The following AGMAT variants were observed in gnomAD, a reference collection of about 807,000 sequenced individuals.
AGMAT encodes the protein agmatinase (putative), also known as guanidino acid hydrolase, mitochondrial.
In AGMAT, 37 loss-of-function variants were observed where a neutral mutation model predicts 29.3. The observed-to-expected ratio is 1.26, with a 90% confidence interval of 0.97 to 1.66. The LOEUF (loss-of-function observed/expected upper bound fraction) is 1.66, where lower values mean the gene tolerates loss of function less well. Among genes scored for constraint, AGMAT ranks in the 40% most tolerant of loss-of-function variants. The probability of loss-of-function intolerance (pLI) is 0.00; values close to 1 mark genes in which losing one functional copy is unlikely to be tolerated. For missense variants in AGMAT, 498 were observed against 497.8 expected (o/e 1.00, Z 0.00); for synonymous variants, 199 against 200.8 (o/e 0.99, Z 0.08).
chr1:15,575,226 C>T (rs1639021653), intron 5 of AGMAT: 1 of 167,054 alleles, frequency 6.0e-6, no homozygotes, highest in Admixed American at 5.8e-5. Flanking sequence ...CAGGCAAAGG[C>T]ACCAAGATGG....
At chr1:15,581,526 A>G (rs530334337) in intron 2 of AGMAT, among the ~76,000 whole-genome samples, 77 of 151,546 alleles carry the variant, frequency 5.1e-4, no homozygotes, top group African/African-American at 1.8e-3. Flanking sequence ...TGTGACACAC[A>G]TGTGACATAC....
intron 2 of AGMAT, among the ~76,000 whole-genome samples, chr1:15,582,279 A>C (rs1253191674): frequency 6.6e-6 from 1 of 152,144 alleles, no homozygotes; most frequent in African/African-American, 2.4e-5. Flanking sequence ...AAAAAAAGAA[A>C]AAAAAAAAAG....
At chr1:15,577,584 C>G in intron 5 of AGMAT, 101 bp downstream of exon 5, 1 of 1,316,702 alleles carries the variant, frequency 7.6e-7, no homozygotes, top group Non-Finnish European at 1.0e-6. Context: ...AACAAACAAA[C>G]AAAAATCCTA....
Position 15,584,953 on chromosome 1 carries a change from C to A in AGMAT, c.15G>T (p.Leu5=). ...CCGGGCCCCGGGCGCACCCGGACGC[C>A]AGCAGCCTCAGCATTGCCGCGCGCG... The part of the protein sequence containing the change: MLRL[L]ASGCARGPGP... The change falls in exon 1 of 7, where the codon CTG becomes CTT. Residue 5 remains leucine, a synonymous_variant. Transcript: ENST00000375826. 1 of 1,349,412 alleles carries A rather than the reference C, an allele frequency of 7.4e-7. No individual in the cohort carries two copies. 83.6% of individuals were successfully genotyped at this position (1,349,412 alleles called of 1,614,324 possible).
At chr1:15,581,543 C>T (rs1170561618) in intron 2 of AGMAT, among the ~76,000 whole-genome samples, 1 of 83,240 alleles carries the variant, frequency 1.2e-5, no homozygotes, top group East Asian at 3.4e-4. Flanking sequence ...ATACATGTAG[C>T]TAATATGACT....
rs772811886 is a variant in AGMAT, at chr1:15,578,971, G to A, written c.608C>T (p.Ala203Val). The change falls in exon 4 of 7, where the codon GCG becomes GTG. Residue 203 changes from alanine (A) to valine (V), a missense_variant. Ala to Val is a moderately conservative substitution (Grantham distance 64). Coordinates refer to ENST00000375826, the MANE Select transcript of AGMAT (RefSeq NM_024758.5). The part of the protein sequence containing the change: ...KALGEKLYHG[A>V]PFRRCVDEGL... ...CTCATCCACACACCGGCGGAAGGGC[G>A]CCCCGTGGTAGAGCTTCTCTCCTAG... The A allele has an allele frequency of 1.2e-5, 19 of 1,614,012 alleles. No homozygotes were observed. Among genetic ancestry groups the A allele is most frequent in the Non-Finnish European group, 1.4e-5 (16 of 1,180,028 alleles).
chr1:15,576,842 C>T (rs1342127334), intron 5 of AGMAT, among the ~76,000 whole-genome samples: 2 of 140,306 alleles, frequency 1.4e-5, no homozygotes, highest in Non-Finnish European at 3.0e-5. Flanking sequence ...CTCTGCCTCC[C>T]GGGTTCATGC....
chr1:15,585,045 C>A lies in AGMAT; in HGVS notation c.-78G>T. 8.0e-7 allele frequency: 1 copy of A among 1,254,666 alleles called. No homozygotes were observed. 77.7% of individuals were successfully genotyped at this position (1,254,666 alleles called of 1,614,324 possible). A position where few individuals can be genotyped will look rare whatever the true frequency, so the allele number is the denominator to read the frequency against. The stretch of plus-strand genomic sequence containing the variant: ...ATCTGGCTGGTCCCGAACGGCGAGG[C>A]GAGTGTGCACGCGCCAGAGCCGGAA... On this transcript the variant is annotated 5_prime_UTR_variant, in exon 1 of 7. Coordinates refer to ENST00000375826, the MANE Select transcript of AGMAT (RefSeq NM_024758.5).
Position 15,584,767 on chromosome 1 carries a change from G to A in AGMAT, c.201C>T (p.Ser67=). ...CSMMRLPVQT[S]PEGLDAAFIG... ...TGAAGGCAGCGTCCAGCCCCTCGGG[G>A]GAGGTCTGCACCGGCAGGCGCATCA... Residue 67 remains serine (S), a synonymous_variant, in exon 1 of 7, where the codon TCC becomes TCT. Transcript: ENST00000375826. 7.3e-7 allele frequency: 1 copy of A among 1,366,048 alleles called. No homozygotes were observed. The highest frequency in any genetic ancestry group is 2.2e-5 in the South Asian group (1 of 45,654). 84.6% of individuals were successfully genotyped at this position (1,366,048 alleles called of 1,614,324 possible).
At chr1:15,581,640 T>C (rs144163317) in intron 2 of AGMAT, among the ~76,000 whole-genome samples, 94,280 of 150,924 alleles carry the variant, frequency 0.62, 30,443 homozygotes, top group African/African-American at 0.79. Flanking sequence ...TTTGGGAAGC[T>C]GAGGCGGCGG....
At chr1:15,577,440 G>T (rs1204543251) in intron 5 of AGMAT, among the ~76,000 whole-genome samples, 1 of 152,124 alleles carries the variant, frequency 6.6e-6, no homozygotes, top group Non-Finnish European at 1.5e-5. Flanking sequence ...GGGCGTAGTG[G>T]CATGTGCCTG....
At position 15,583,404 on chromosome 1, in the gene AGMAT, G is replaced by A. The variant is rs570651687; in HGVS notation, c.273-9C>T. 6.2e-7 allele frequency: 1 copy of A among 1,607,416 alleles called. No individual in the cohort carries two copies. The highest frequency in any genetic ancestry group is 2.2e-5 in the East Asian group (1 of 44,656). On this transcript the variant is annotated splice_polypyrimidine_tract_variant and intron_variant, in intron 1 of 6. Coordinates refer to ENST00000375826, the MANE Select transcript of AGMAT (RefSeq NM_024758.5). The stretch of plus-strand genomic sequence containing the variant: ...TGCGGCGAGGTCCGAATCTGCAGAA[G>A]GAAGAATCATCCTGTCAGCCATCAT...
At chr1:15,581,596 C>T (rs1285563858) in intron 2 of AGMAT, among the ~76,000 whole-genome samples, 3 of 150,512 alleles carry the variant, frequency 2.0e-5, no homozygotes, top group South Asian at 2.1e-4. Context: ...GAATTTAGGC[C>T]GGGCGTGGTG....
chr1:15,581,752 G>A (rs1486725897), intron 2 of AGMAT, among the ~76,000 whole-genome samples: 2 of 151,878 alleles, frequency 1.3e-5, no homozygotes, highest in African/African-American at 2.4e-5. Context: ...GCACGCGCCT[G>A]TAATCCCAGC....
intron 3 of AGMAT, among the ~76,000 whole-genome samples, chr1:15,579,499 G>A (rs1232199882): frequency 6.6e-6 from 1 of 152,150 alleles, no homozygotes; most frequent in African/African-American, 2.4e-5. Flanking sequence ...AATAAATGCA[G>A]CTTTGAGCAA....
At chr1:15,576,740 C>CTTTTTTTTTTTT (rs59203066) in intron 5 of AGMAT, among the ~76,000 whole-genome samples, 1,261 of 35,778 alleles carry the variant, frequency 0.035, 360 homozygotes, top group East Asian at 0.078. Context: ...GTTTAGTGTT[C>CTTTTTTTTTTTT]TTTTTTTTTT....
chr1:15,582,718 C>T (rs1639131866), intron 2 of AGMAT, among the ~76,000 whole-genome samples: 1 of 152,118 alleles, frequency 6.6e-6, no homozygotes, highest in South Asian at 2.1e-4. Flanking sequence ...ATCATCTTGG[C>T]CAGGCGCGGT....
chr1:15,581,859 A>C (rs963028447), intron 2 of AGMAT, among the ~76,000 whole-genome samples: 2 of 151,768 alleles, frequency 1.3e-5, no homozygotes, highest in Non-Finnish European at 1.5e-5. Flanking sequence ...TGTCTCAAAA[A>C]AAAAAAGAAT....
At chr1:15,574,551 A>G (rs1222799585) in intron 6 of AGMAT, among the ~76,000 whole-genome samples, 2 of 151,638 alleles carry the variant, frequency 1.3e-5, no homozygotes, top group African/African-American at 2.4e-5. Context: ...GCTAATTTTT[A>G]TATCTTTAGA....
Sources: gnomAD v4.1 joint callset for allele counts (sites outside exome capture counted in the v4.1 genomes callset) on GRCh38, gnomAD v4.1.1 for gene constraint, MANE v1.5 for transcripts, NCBI Gene and HGNC (gene_info 2026-07-23, HGNC 2026-07-21) for gene names.